Variants in ITK observed in about 807,000 individuals in gnomAD.
The protein encoded by ITK is IL2 inducible T cell kinase, also known as tyrosine-protein kinase ITK/TSK.
ITK carries 45 observed loss-of-function variants against 87.6 expected under a neutral mutation model. The observed-to-expected ratio is 0.51, with a 90% CI of 0.40 to 0.66. The LOEUF is 0.66. ITK is among the 30% of genes least tolerant of loss of function. The pLI is 0.00. For synonymous variants in ITK, 303 were observed against 273.6 expected, an observed-to-expected ratio of 1.11 and a Z score of -1.06; for missense variants, 605 against 766.3, an observed-to-expected ratio of 0.79 and a Z score of 2.48.
At chr5:157,207,775 C>T (rs534415168) in intron 1 of ITK, among the ~76,000 whole-genome samples, 1 of 152,138 alleles carries the variant, frequency 6.6e-6, no homozygotes, top group African/African-American at 2.4e-5. Flanking sequence ...TTAAACCACA[C>T]GTAATTTCCA....
At chr5:157,202,206 AT>A (rs1753990093) in intron 1 of ITK, among the ~76,000 whole-genome samples, 3 of 151,680 alleles carry the variant, frequency 2.0e-5, no homozygotes. Context: ...TGTTTACCAC[AT>A]TTTCTTTTCT....
At chr5:157,236,896 C>G (rs1253581990) in intron 8 of ITK, among the ~76,000 whole-genome samples, 1 of 152,108 alleles carries the variant, frequency 6.6e-6, no homozygotes, top group Non-Finnish European at 1.5e-5. Flanking sequence ...GCCCTGCAGC[C>G]AAATTCTCAT....
chr5:157,243,671 G>A lies in ITK; in HGVS notation c.1109G>A (p.Gly370Asp). 6.2e-7 allele frequency: 1 copy of A among 1,613,438 alleles called. No homozygotes were observed. The highest frequency in any genetic ancestry group is 2.2e-5 in the East Asian group (1 of 44,862). The change falls in exon 12 of 17, where the codon GGC becomes GAC. Residue 370 changes from glycine to aspartate, a missense_variant. Transcript: ENST00000422843. ...PSELTFVQEI[G>D]SGQFGLVHLG... ...GAGCTCACTTTTGTGCAAGAGATTG[G>A]CAGTGGGCAATTTGGGTTGGTGCAT...
At chr5:157,232,471 A>T (rs1269412115) in intron 8 of ITK, 77 bp downstream of exon 8, 4 of 1,051,768 alleles carry the variant, frequency 3.8e-6, no homozygotes, top group Non-Finnish European at 5.8e-6. Flanking sequence ...AATCCCAGCG[A>T]TTTGGCAGGC....
intron 6 of ITK, 97 bp from the exon 7 acceptor site, chr5:157,228,199 T>C: frequency 1.3e-6 from 1 of 794,840 alleles, no homozygotes; most frequent in Non-Finnish European, 2.2e-6. Flanking sequence ...TAATGTGATA[T>C]TCCCCAATCT....
intron 6 of ITK, among the ~76,000 whole-genome samples, chr5:157,225,116 C>A (rs1754505331): frequency 6.6e-6 from 1 of 151,966 alleles, no homozygotes; most frequent in African/African-American, 2.4e-5. Context: ...CATCTCAGAC[C>A]CCTACAGAGC....
At chr5:157,227,852 A>C (rs1754567804) in intron 6 of ITK, among the ~76,000 whole-genome samples, 2 of 105,616 alleles carry the variant, frequency 1.9e-5, no homozygotes, top group Admixed American at 1.3e-4. Flanking sequence ...TTTTTTTGAG[A>C]CAGAGTCTCG....
At chr5:157,209,995 G>A (rs999946580) in intron 2 of ITK, among the ~76,000 whole-genome samples, 5 of 150,326 alleles carry the variant, frequency 3.3e-5, no homozygotes, top group African/African-American at 7.4e-5. Context: ...GCGCAATCCC[G>A]GCTCACTGCA....
intron 5 of ITK, among the ~76,000 whole-genome samples, chr5:157,220,832 A>C (rs1437359688): frequency 6.6e-6 from 1 of 152,208 alleles, no homozygotes; most frequent in East Asian, 1.9e-4. Flanking sequence ...ATATATACAC[A>C]ATTTTTTAAA....
intron 11 of ITK, among the ~76,000 whole-genome samples, chr5:157,242,185 C>T (rs141548002): frequency 8.0e-4 from 122 of 152,272 alleles, no homozygotes; most frequent in African/African-American, 2.7e-3. Context: ...TACCTTTAGG[C>T]GTGGCATGAT....
chr5:157,181,187 A>G (rs1166072052), intron 1 of ITK, 72 bp downstream of exon 1: 3 of 1,434,416 alleles, frequency 2.1e-6, no homozygotes, highest in East Asian at 2.3e-5. Context: ...GCAAAAATAT[A>G]TACATAGCAT....
chr5:157,255,017 A>AGAC lies in ITK; in HGVS notation c.*2340_*2342dup, dbSNP rs1240411218. 6 of 205,122 alleles carry AGAC rather than the reference A, an allele frequency of 2.9e-5. No homozygotes were observed. Among genetic ancestry groups the AGAC allele is most frequent in the African/African-American group, 1.4e-4 (6 of 43,628 alleles). 12.7% of individuals were successfully genotyped at this position (205,122 alleles called of 1,614,324 possible). A position where few individuals can be genotyped will look rare whatever the true frequency, so the allele number is the denominator to read the frequency against. On this transcript the variant is annotated 3_prime_UTR_variant, in exon 17 of 17. Transcript: ENST00000422843. The stretch of plus-strand genomic sequence containing the variant: ...TAGATTTTGCATTTTGTACCTTTTG[A>AGAC]GACTATGTATTTATATTTGGATCAG...
intron 1 of ITK, among the ~76,000 whole-genome samples, chr5:157,182,753 AGTTC>A (rs1216402390): frequency 2.6e-5 from 4 of 152,172 alleles, no homozygotes; most frequent in Non-Finnish European, 5.9e-5. Context: ...AGTTTTCACC[AGTTC>A]GTTTTTCTGA....
rs936000456 is a variant in ITK at position 157,246,088 on chromosome 5, T to G, written c.1633+89T>G. 3.3e-6 allele frequency: 3 copies of G among 913,408 alleles called. No homozygotes were observed. In the African/African-American group the frequency reaches 4.9e-5, roughly 15 times the overall value. The allele number at this position is 913,408 out of a possible 1,614,324, so 56.6% of individuals were successfully genotyped here. On this transcript the variant is annotated intron_variant, in intron 15 of 16. Transcript: ENST00000422843. ...CAAATGCAGACAACCCTACCCACAC[T>G]GAACCCTGTATCATATCATGAGGGT...
At chr5:157,236,171 C>G (rs1436991573) in intron 8 of ITK, among the ~76,000 whole-genome samples, 1 of 152,056 alleles carries the variant, frequency 6.6e-6, no homozygotes, top group Non-Finnish European at 1.5e-5. Flanking sequence ...GTCAGGAGTT[C>G]AAGACCAGCC....
At chr5:157,235,352 C>T (rs2113769252) in intron 8 of ITK, among the ~76,000 whole-genome samples, 1 of 152,318 alleles carries the variant, frequency 6.6e-6, no homozygotes, top group Middle Eastern at 3.4e-3. Flanking sequence ...TCCAATGTTG[C>T]CTCCTCCCAG....
intron 1 of ITK, among the ~76,000 whole-genome samples, chr5:157,201,609 T>C (rs1389899141): frequency 3.3e-5 from 5 of 152,010 alleles, no homozygotes; most frequent in Non-Finnish European, 7.4e-5. Context: ...TTTCCACTTT[T>C]AACACTCTAT....
intron 1 of ITK, among the ~76,000 whole-genome samples, chr5:157,194,431 C>A (rs971056906): frequency 6.6e-6 from 1 of 152,124 alleles, no homozygotes; most frequent in African/African-American, 2.4e-5. Context: ...GCAGCATTAG[C>A]CACTTATTGA....
chr5:157,242,552 T>C lies in ITK; in HGVS notation c.1060+832T>C, dbSNP rs1264529704. Among the ~76,000 whole-genome samples, 7 of 152,198 alleles carry C rather than the reference T, an allele frequency of 4.6e-5. No homozygotes were observed. In the East Asian group the frequency reaches 1.3e-3, roughly 29 times the overall value. On this transcript the variant is annotated intron_variant, in intron 11 of 16. Transcript: ENST00000422843. ...ATGCAGTGGCGTAATCATGGCTCAC[T>C]GCTGCCTTGACCTCCTGGGCTCAAG... is the stretch of plus-strand genomic sequence containing the variant.
Sources: gnomAD v4.1 joint callset for allele counts (sites outside exome capture counted in the v4.1 genomes callset) on GRCh38, gnomAD v4.1.1 for gene constraint, MANE v1.5 for transcripts, NCBI Gene and HGNC (gene_info 2026-07-23, HGNC 2026-07-21) for gene names.